Variants in ATP6V0D2 observed in about 807,000 individuals in gnomAD.
ATP6V0D2 encodes ATPase H+ transporting V0 subunit d2.
In ATP6V0D2, 40 loss-of-function variants were observed where a neutral mutation model predicts 40.0. The observed-to-expected ratio is 1.00, with a 90% CI of 0.78 to 1.30. The LOEUF is 1.30. ATP6V0D2 is among the 50% of genes most tolerant of loss of function. The pLI, the probability that ATP6V0D2 is intolerant of heterozygous loss-of-function variation, is 0.00. For synonymous variants in ATP6V0D2, 179 were observed against 156.3 expected (o/e 1.15, Z -1.08); for missense variants, 470 against 423.1 (o/e 1.11, Z -0.97).
chr8:86,133,029 G>C (rs1021063407), intron 2 of ATP6V0D2, among the ~76,000 whole-genome samples: 1 of 152,048 alleles, frequency 6.6e-6, no homozygotes, highest in African/African-American at 2.4e-5. Context: ...ATTCTAAATG[G>C]GGTAAGATGC....
At chr8:86,113,618 A>T in intron 1 of ATP6V0D2, 91 bp from the exon 2 acceptor site, 1 of 1,147,044 alleles carries the variant, frequency 8.7e-7, no homozygotes, top group Non-Finnish European at 1.2e-6. Flanking sequence ...TATGTATGTA[A>T]CACAAAATTA....
intron 2 of ATP6V0D2, among the ~76,000 whole-genome samples, chr8:86,119,692 T>G (rs1692032014): frequency 6.6e-6 from 1 of 152,192 alleles, no homozygotes; most frequent in African/African-American, 2.4e-5. Flanking sequence ...TTTTTAAAAA[T>G]TATGTACAAA....
intron 2 of ATP6V0D2, among the ~76,000 whole-genome samples, chr8:86,123,621 G>C (rs1221989786): frequency 6.6e-6 from 1 of 152,126 alleles, no homozygotes; most frequent in African/African-American, 2.4e-5. Context: ...CTTGATTTAT[G>C]AGGCATGAGG....
In ATP6V0D2 at chr8:86,113,949, G is replaced by C. The variant is rs17660682; in HGVS notation, c.302+69G>C. ...GCGGATGACCCCTAACAATTACAGGGTGGGTATCAAGCCAGAGTGAGACTT... is the reference window on the plus strand; with the variant it reads ...GCGGATGACCCCTAACAATTACAGGCTGGGTATCAAGCCAGAGTGAGACTT... On this transcript the variant is annotated intron_variant, in intron 2 of 7. Coordinates refer to ENST00000285393, the MANE Select transcript of ATP6V0D2 (RefSeq NM_152565.1). 0.14 allele frequency: 202,651 copies of C among 1,423,018 alleles called. 15,469 individuals are homozygous for C. The highest frequency in any genetic ancestry group is 0.15 in the Non-Finnish European group (163,826 of 1,059,468). The allele number at this position is 1,423,018 out of a possible 1,614,324, so 88.1% of individuals were successfully genotyped here.
chr8:86,100,219 T>C (rs957247591), intron 1 of ATP6V0D2, among the ~76,000 whole-genome samples: 2 of 152,132 alleles, frequency 1.3e-5, no homozygotes, highest in South Asian at 4.1e-4. Context: ...AACCACATTT[T>C]TTTTTTCAAA....
intron 2 of ATP6V0D2, among the ~76,000 whole-genome samples, chr8:86,114,414 G>A (rs955244167): frequency 2.6e-5 from 4 of 152,198 alleles, no homozygotes; most frequent in African/African-American, 9.7e-5. Context: ...GCTCATGCCT[G>A]TAATCCCAGC....
rs980965607 is a variant in ATP6V0D2, at chr8:86,131,563, C to T, written c.303-7894C>T. 1.3e-4 allele frequency among the ~76,000 whole-genome samples: 20 copies of T among 151,936 alleles called. No individual in the cohort carries two copies. In the East Asian group the frequency reaches 3.7e-3, roughly 28 times the overall value. ...TTGCCCAGGCTGGAGTGCAGTGATG[C>T]GATCTCAGCTCACTGCAACTTCTGC... is the stretch of plus-strand genomic sequence containing the variant. On this transcript the variant is annotated intron_variant, in intron 2 of 7. Transcript: ENST00000285393.
At chr8:86,103,163 G>C (rs189604388) in intron 1 of ATP6V0D2, among the ~76,000 whole-genome samples, 1 of 151,958 alleles carries the variant, frequency 6.6e-6, no homozygotes, top group Non-Finnish European at 1.5e-5. Context: ...TGTCACCCAG[G>C]CTGGTCTCCA....
chr8:86,119,232 C>T (rs368442899), intron 2 of ATP6V0D2, among the ~76,000 whole-genome samples: 23 of 125,930 alleles, frequency 1.8e-4, no homozygotes, highest in East Asian at 7.0e-4. Flanking sequence ...ATCATAGGAT[C>T]TTTTTTTTTT....
chr8:86,122,672 A>G (rs1409331234), intron 2 of ATP6V0D2, among the ~76,000 whole-genome samples: 1 of 152,238 alleles, frequency 6.6e-6, no homozygotes, highest in Non-Finnish European at 1.5e-5. Context: ...AGCCACAGCT[A>G]TAAGAGAAGG....
At chr8:86,111,568 C>A (rs1351777) in intron 1 of ATP6V0D2, among the ~76,000 whole-genome samples, 77,814 of 151,944 alleles carry the variant, frequency 0.51, 20,279 homozygotes, top group Non-Finnish European at 0.57. Context: ...TATCTCTTCA[C>A]CATACTGATT....
intron 2 of ATP6V0D2, among the ~76,000 whole-genome samples, chr8:86,117,213 G>A (rs1818601643): frequency 6.6e-6 from 1 of 152,104 alleles, no homozygotes; most frequent in Non-Finnish European, 1.5e-5. Flanking sequence ...ACTCATCAAT[G>A]TTTTCATTCA....
chr8:86,137,148 C>T (rs1818909552), intron 2 of ATP6V0D2, among the ~76,000 whole-genome samples: 1 of 152,154 alleles, frequency 6.6e-6, no homozygotes, highest in African/African-American at 2.4e-5. Flanking sequence ...CACACAATGG[C>T]CAGTCTTCCG....
At chr8:86,118,218 G>C (rs1183838377) in intron 2 of ATP6V0D2, among the ~76,000 whole-genome samples, 1 of 139,818 alleles carries the variant, frequency 7.2e-6, no homozygotes, top group Non-Finnish European at 1.5e-5. Context: ...ACGCCACCAC[G>C]CCCAGCTAAT....
At chr8:86,102,001 T>C (rs965649350) in intron 1 of ATP6V0D2, among the ~76,000 whole-genome samples, 2 of 152,236 alleles carry the variant, frequency 1.3e-5, no homozygotes, top group Admixed American at 6.5e-5. Context: ...AAGAATTTCA[T>C]GTCCTCTGTT....
intron 1 of ATP6V0D2, among the ~76,000 whole-genome samples, chr8:86,101,245 G>A (rs1818393073): frequency 1.3e-5 from 2 of 151,778 alleles, no homozygotes; most frequent in African/African-American, 4.8e-5. Flanking sequence ...GACTGCTTGA[G>A]GCCAGGAGTT....
At chr8:86,128,234 A>AG (rs1362713647) in intron 2 of ATP6V0D2, among the ~76,000 whole-genome samples, 10 of 152,198 alleles carry the variant, frequency 6.6e-5, no homozygotes, top group Non-Finnish European at 1.5e-4. Context: ...CTGTAATCCC[A>AG]GCTACTCAGG....
rs1819177870 is a variant in ATP6V0D2, at chr8:86,152,969, A to G, written c.1045A>G (p.Ile349Val). ...HRTKINSYIP[I>V]L ...AACTAAAATCAACAGTTACATTCCA[A>G]TTTTATAACCCAAGTAAGGTTCTCA... Residue 349 changes from isoleucine (I) to valine (V), a missense_variant, in exon 8 of 8, where the codon ATT becomes GTT. By Grantham distance (29) the Ile-to-Val change is conservative (BLOSUM62 3). Transcript: ENST00000285393. 6.3e-7 allele frequency: 1 copy of G among 1,599,366 alleles called. No homozygotes were observed. Among genetic ancestry groups the G allele is most frequent in the African/African-American group, 1.3e-5 (1 of 74,304 alleles).
intron 2 of ATP6V0D2, among the ~76,000 whole-genome samples, chr8:86,126,168 C>G (rs1057148838): frequency 1.4e-5 from 2 of 146,970 alleles, no homozygotes; most frequent in Non-Finnish European, 3.0e-5. Flanking sequence ...AACTCCTGAC[C>G]TCAAGTGAGC....
Sources: allele counts gnomAD v4.1 joint callset (sites outside exome capture counted in the v4.1 genomes callset), GRCh38; gene constraint gnomAD v4.1.1; transcripts MANE v1.5; gene names NCBI Gene and HGNC (gene_info 2026-07-23, HGNC 2026-07-21).